CD44: variants seen among roughly 807,000 people sequenced by gnomAD.
CD44 encodes CD44 antigen.
A neutral mutation model predicts 88.8 loss-of-function variants in CD44; 49 were observed. That is an observed-to-expected ratio of 0.55 (90% CI 0.44 to 0.70). CD44 has a LOEUF of 0.70. Ranked by LOEUF, CD44 falls within the 30% of genes least tolerant of loss-of-function variation. CD44 has a pLI of 0.00. For synonymous variants in CD44, 325 were observed against 312.3 expected, an observed-to-expected ratio of 1.04 and a Z score of -0.43; for missense variants, 883 against 913.8, an observed-to-expected ratio of 0.97 and a Z score of 0.43.
At chr11:35,184,985 T>C (rs897867656) in intron 3 of CD44, among the ~76,000 whole-genome samples, 1 of 152,232 alleles carries the variant, frequency 6.6e-6, no homozygotes, top group Non-Finnish European at 1.5e-5. Flanking sequence ...CCATCACACA[T>C]AAATGTTCTG....
chr11:35,184,957 T>C (rs1945511267), intron 3 of CD44, among the ~76,000 whole-genome samples: 1 of 152,228 alleles, frequency 6.6e-6, no homozygotes, highest in South Asian at 2.1e-4. Context: ...CACATTTTTA[T>C]TGCATGTTTC....
At chr11:35,143,097 T>G (rs1276502585) in intron 1 of CD44, among the ~76,000 whole-genome samples, 1 of 152,068 alleles carries the variant, frequency 6.6e-6, no homozygotes, top group East Asian at 1.9e-4. Flanking sequence ...ACAGACTCAT[T>G]ACAGTTTTAT....
At chr11:35,224,008 C>G (rs1450012405) in intron 17 of CD44, among the ~76,000 whole-genome samples, 4 of 152,186 alleles carry the variant, frequency 2.6e-5, no homozygotes, top group African/African-American at 4.8e-5. Context: ...GAGTACCACC[C>G]CTTTTCTAAA....
In CD44 at chr11:35,201,088, C is replaced by T; in HGVS notation, c.929C>T (p.Thr310Ile). Residue 310 changes from threonine to isoleucine, a missense_variant, in exon 8 of 18, where the codon ACC becomes ATC. Transcript: ENST00000428726. ...DEDFISSTIS[T>I]TPRAFDHTKQ... ...TCAATCATCGTTATCACAGTTTCAA[C>T]CACACCACGGGCTTTTGACCACACA... 6.2e-7 allele frequency: 1 copy of T among 1,612,458 alleles called. No homozygotes were observed. The highest frequency in any genetic ancestry group is 8.5e-7 in the Non-Finnish European group (1 of 1,178,456).
At chr11:35,169,244 G>A (rs1295974012) in intron 1 of CD44, among the ~76,000 whole-genome samples, 1 of 152,066 alleles carries the variant, frequency 6.6e-6, no homozygotes, top group African/African-American at 2.4e-5. Context: ...GTGAAGAAGG[G>A]AGACACCATT....
intron 1 of CD44, among the ~76,000 whole-genome samples, chr11:35,160,456 T>C (rs1942455395): frequency 6.6e-6 from 1 of 152,238 alleles, no homozygotes; most frequent in Non-Finnish European, 1.5e-5. Flanking sequence ...GCATTCATTA[T>C]ACCATAACCA....
intron 1 of CD44, among the ~76,000 whole-genome samples, chr11:35,158,311 C>T (rs757670617): frequency 4.6e-5 from 7 of 152,248 alleles, no homozygotes; most frequent in Middle Eastern, 3.4e-3. Flanking sequence ...CTGTCAAGGA[C>T]GCATTGGGGA....
intron 7 of CD44, among the ~76,000 whole-genome samples, chr11:35,199,934 GTTTTTTTTTTTTT>G (rs60509735): frequency 1.1e-5 from 1 of 90,884 alleles, no homozygotes; most frequent in African/African-American, 4.4e-5. Context: ...CCATGGTGTT[GTTTTTTTTTTTTT>G]TTTTTTTTTT....
intron 16 of CD44, among the ~76,000 whole-genome samples, chr11:35,220,571 AG>A (rs1480912096): frequency 6.6e-6 from 1 of 152,174 alleles, no homozygotes; most frequent in African/African-American, 2.4e-5. Flanking sequence ...AACTGAATTT[AG>A]TGGAGTTGTC....
chr11:35,181,875 TA>T (rs1945077085), intron 3 of CD44, among the ~76,000 whole-genome samples: 2 of 78,890 alleles, frequency 2.5e-5, no homozygotes, highest in African/African-American at 6.3e-5. Context: ...ATATATATAT[TA>T]TATATAATTC....
rs370523538 is a variant in CD44 at position 35,190,029 on chromosome 11, T to C, written c.631T>C (p.Trp211Arg). 5 of 1,614,180 alleles carry C rather than the reference T, an allele frequency of 3.1e-6. No individual in the cohort carries two copies. The highest frequency in any genetic ancestry group is 2.7e-5 in the African/African-American group (2 of 75,050). Residue 211 changes from tryptophan (W) to arginine (R), a missense_variant, in exon 5 of 18, where the codon TGG becomes CGG. Transcript: ENST00000428726. ...VHPIPDEDSP[W>R]ITDSTDRIPA... The stretch of plus-strand genomic sequence containing the variant: ...CCCCATCCCAGACGAAGACAGTCCC[T>C]GGATCACCGACAGCACAGACAGAAT...
chr11:35,219,163 T>C, intron 15 of CD44, 153 bp from the exon 16 acceptor site: 1 of 624,738 alleles, frequency 1.6e-6, no homozygotes, highest in Non-Finnish European at 2.9e-6. Context: ...GGGGAAATCT[T>C]TTGTGTAATG....
chr11:35,216,269 TC>T (rs890856103), intron 15 of CD44, among the ~76,000 whole-genome samples: 2 of 152,190 alleles, frequency 1.3e-5, no homozygotes, highest in African/African-American at 4.8e-5. Context: ...ACTAATTACT[TC>T]TACTGCTGGG....
At chr11:35,202,630 A>G (rs2134064269) in intron 9 of CD44, among the ~76,000 whole-genome samples, 1 of 152,296 alleles carries the variant, frequency 6.6e-6, no homozygotes, top group East Asian at 1.9e-4. Context: ...GAGCCACTTA[A>G]AAGCCACTTA....
intron 1 of CD44, among the ~76,000 whole-genome samples, chr11:35,172,849 C>CA (rs35040129): frequency 6.7e-4 from 99 of 146,878 alleles, no homozygotes; most frequent in South Asian, 3.6e-3. Context: ...TATTTTGGTG[C>CA]AAAAAAAAAA....
chr11:35,210,059 G>A lies in CD44; in HGVS notation c.1606+5G>A. On this transcript the variant is annotated splice_donor_5th_base_variant and intron_variant, in intron 13 of 17. Transcript: ENST00000428726. ...CTTCTACTCTGACATCAAGCAGTAAGGATTATAAAACCTAGTTGGCTTCAG... is the reference window on the plus strand; with the variant it reads ...CTTCTACTCTGACATCAAGCAGTAAAGATTATAAAACCTAGTTGGCTTCAG... 3 of 1,519,318 alleles carry A rather than the reference G, an allele frequency of 2.0e-6. No homozygotes were observed. Among genetic ancestry groups the A allele is most frequent in the Non-Finnish European group, 2.6e-6 (3 of 1,133,462 alleles). The allele number at this position is 1,519,318 out of a possible 1,614,324, so 94.1% of individuals were successfully genotyped here. A position where few individuals can be genotyped will look rare whatever the true frequency, so the allele number is the denominator to read the frequency against.
At chr11:35,190,254 C>CT (rs777459692) in intron 5 of CD44, 189 bp downstream of exon 5, 14 of 600,062 alleles carry the variant, frequency 2.3e-5, no homozygotes, top group Non-Finnish European at 3.9e-5. Context: ...TACTGCCTAC[C>CT]TTTTTTCCTC....
chr11:35,201,299 G>C lies in CD44; in HGVS notation c.1036+104G>C, dbSNP rs984691480. The C allele has an allele frequency of 9.8e-6, 8 of 814,762 alleles. No homozygotes were observed. The Admixed American group carries it at 1.2e-4, about 12-fold the overall frequency. 50.5% of individuals were successfully genotyped at this position (814,762 alleles called of 1,614,324 possible). ...ACAGTGGGAAATTTAGTTAATATCTGATCAAGAAATTCTTAGTGGACTTTT... is the reference window on the plus strand; with the variant it reads ...ACAGTGGGAAATTTAGTTAATATCTCATCAAGAAATTCTTAGTGGACTTTT... On this transcript the variant is annotated intron_variant, in intron 8 of 17. Transcript: ENST00000428726.
In CD44 at chr11:35,229,366, G is replaced by A. The variant is rs750789485; in HGVS notation, c.*33G>A. On this transcript the variant is annotated 3_prime_UTR_variant, in exon 18 of 18. Transcript: ENST00000428726. Reference sequence around the variant, plus strand: ...ACCATTATCTTGGAAAGAAACAACCGTTGGAAACATAACCATTACAGGGAG... The same window carrying A: ...ACCATTATCTTGGAAAGAAACAACCATTGGAAACATAACCATTACAGGGAG... 44 of 1,408,822 alleles carry A rather than the reference G, an allele frequency of 3.1e-5. No homozygotes were observed. The highest frequency in any genetic ancestry group is 5.1e-5 in the Admixed American group (3 of 58,506). 87.3% of individuals were successfully genotyped at this position (1,408,822 alleles called of 1,614,324 possible). A position where few individuals can be genotyped will look rare whatever the true frequency, so the allele number is the denominator to read the frequency against.
Sources: allele counts gnomAD v4.1 joint callset (sites outside exome capture counted in the v4.1 genomes callset), GRCh38; gene constraint gnomAD v4.1.1; transcripts MANE v1.5; gene names NCBI Gene and HGNC (gene_info 2026-07-23, HGNC 2026-07-21).